MEAF6: variants seen among roughly 807,000 people sequenced by gnomAD.
The protein encoded by MEAF6 is MYST/Esa1 associated factor 6, also known as chromatin modification-related protein MEAF6.
Under a neutral mutation model 28.9 loss-of-function variants are expected in MEAF6, and 15 were observed. The ratio of observed to expected loss-of-function variants is 0.52; its 90% CI spans 0.35 to 0.80. MEAF6 has a LOEUF of 0.80. Among genes scored for constraint, MEAF6 ranks in the 30% least tolerant of loss-of-function variants. MEAF6 has a pLI of 0.01. For missense variants in MEAF6, 178 were observed against 237.5 expected, an observed-to-expected ratio of 0.75 and a Z score of 1.65; for synonymous variants, 97 against 88.7, an observed-to-expected ratio of 1.09 and a Z score of -0.53.
At chr1:37,499,849 T>C (rs1642240983) in intron 5 of MEAF6, among the ~76,000 whole-genome samples, 1 of 152,198 alleles carries the variant, frequency 6.6e-6, no homozygotes, top group Non-Finnish European at 1.5e-5. Flanking sequence ...TAACTCCTTT[T>C]TATCAGTCAC....
intron 4 of MEAF6, 131 bp from the exon 5 acceptor site, chr1:37,502,127 TG>T: frequency 1.7e-6 from 1 of 574,040 alleles, no homozygotes; most frequent in Non-Finnish European, 2.9e-6. Context: ...AGATACATGT[TG>T]ACAGAGAAGA....
chr1:37,491,988 G>A lies in MEAF6; in HGVS notation c.*2111C>T, dbSNP rs933615911. ...TGGAGTGCAGTGGCGCAACAGAGCAGTACTATTCCATCTCTAGCAATCTCA... is the reference window on the plus strand; with the variant it reads ...TGGAGTGCAGTGGCGCAACAGAGCAATACTATTCCATCTCTAGCAATCTCA... On this transcript the variant is annotated 3_prime_UTR_variant, in exon 7 of 7. Coordinates refer to ENST00000296214, the MANE Select transcript of MEAF6 (RefSeq NM_001270875.3). Among the ~76,000 whole-genome samples, 3 of 147,642 alleles carry A rather than the reference G, an allele frequency of 2.0e-5. No homozygotes were observed. Among genetic ancestry groups the A allele is most frequent in the Non-Finnish European group, 4.4e-5 (3 of 67,436 alleles).
chr1:37,505,997 G>A (rs1642468314), intron 4 of MEAF6, among the ~76,000 whole-genome samples: 1 of 152,216 alleles, frequency 6.6e-6, no homozygotes, highest in South Asian at 2.1e-4. Context: ...GCCTGGCCGG[G>A]CGCAGTGGCT....
Position 37,490,127 on chromosome 1 carries a change from T to C in MEAF6, c.*3972A>G, listed in dbSNP as rs1380611733. On this transcript the variant is annotated 3_prime_UTR_variant, in exon 7 of 7. Coordinates refer to ENST00000296214, the MANE Select transcript of MEAF6 (RefSeq NM_001270875.3). ...ATAAGGCTGAGCCTCAAAATGAATATAAATCAAAGGCCTAATCTTTTCTTC... is the reference window on the plus strand; with the variant it reads ...ATAAGGCTGAGCCTCAAAATGAATACAAATCAAAGGCCTAATCTTTTCTTC... Among the ~76,000 whole-genome samples the C allele has an allele frequency of 6.6e-6, 1 of 151,996 alleles. No individual in the cohort carries two copies. The highest frequency in any genetic ancestry group is 1.5e-5 in the Non-Finnish European group (1 of 68,010).
Position 37,514,699 on chromosome 1 carries a change from C to T in MEAF6, c.48G>A (p.Arg16=), listed in dbSNP as rs145579568. 2 of 1,542,354 alleles carry T rather than the reference C, an allele frequency of 1.3e-6. No individual in the cohort carries two copies. The highest frequency in any genetic ancestry group is 8.7e-7 in the Non-Finnish European group (1 of 1,149,150). The change falls in exon 1 of 7, where the codon CGG becomes CGA. Residue 16 remains arginine, a synonymous_variant. Transcript: ENST00000296214. ...KAAPPQIPDT[R]RELAELVKRK... is the part of the protein sequence containing the mutation. ...GCTTCACGAGCTCCGCCAGCTCCCG[C>T]CGGGTGTCCGGGATCTGCGGCGGCG...
chr1:37,504,904 C>G (rs569133955), intron 4 of MEAF6, among the ~76,000 whole-genome samples: 5 of 151,314 alleles, frequency 3.3e-5, no homozygotes, highest in Admixed American at 1.3e-4. Context: ...TTTTTTGAGA[C>G]AGAGTCTTGC....
intron 6 of MEAF6, among the ~76,000 whole-genome samples, chr1:37,494,832 C>T (rs1569949896): frequency 6.7e-6 from 1 of 149,798 alleles, no homozygotes; most frequent in East Asian, 2.0e-4. Context: ...CCCTGTCACA[C>T]ACACAAAAAA....
At chr1:37,495,076 T>C (rs532631023) in intron 6 of MEAF6, among the ~76,000 whole-genome samples, 2 of 152,172 alleles carry the variant, frequency 1.3e-5, no homozygotes, top group East Asian at 1.9e-4. Context: ...GGCTCACGCC[T>C]GTAATCCCAG....
At chr1:37,513,126 G>T (rs755256141) in intron 2 of MEAF6, among the ~76,000 whole-genome samples, 1 of 152,184 alleles carries the variant, frequency 6.6e-6, no homozygotes, top group Non-Finnish European at 1.5e-5. Context: ...TGTGAGGGTA[G>T]AACTCATGAC....
chr1:37,501,159 A>G (rs1048968423), intron 5 of MEAF6, among the ~76,000 whole-genome samples: 1 of 152,188 alleles, frequency 6.6e-6, no homozygotes, highest in Non-Finnish European at 1.5e-5. Flanking sequence ...CTCTCTGTCC[A>G]CTGACGTCAT....
intron 1 of MEAF6, chr1:37,514,040 G>A (rs761951596): frequency 1.1e-5 from 2 of 175,720 alleles, no homozygotes; most frequent in Non-Finnish European, 2.4e-5. Flanking sequence ...GCCGAGACGC[G>A]GGGGCAGGAA....
At chr1:37,514,541 G>C in intron 1 of MEAF6, 116 bp downstream of exon 1, 2 of 702,124 alleles carry the variant, frequency 2.8e-6, no homozygotes, top group Non-Finnish European at 4.0e-6. Flanking sequence ...CCGAGCACCC[G>C]GCCCGCCGCG....
chr1:37,498,363 TAA>T, intron 5 of MEAF6, among the ~76,000 whole-genome samples: 1 of 151,608 alleles, frequency 6.6e-6, no homozygotes, highest in Admixed American at 6.6e-5. Context: ...CTATCTAAAG[TAA>T]TTTTTTATAG....
intron 5 of MEAF6, among the ~76,000 whole-genome samples, chr1:37,498,557 G>A (rs774174847): frequency 7.3e-5 from 11 of 151,662 alleles, no homozygotes; most frequent in Non-Finnish European, 1.3e-4. Flanking sequence ...ATCTTTCCAA[G>A]TAGCTGAGAC....
intron 6 of MEAF6, among the ~76,000 whole-genome samples, chr1:37,495,044 T>C (rs1438296220): frequency 6.6e-6 from 1 of 151,540 alleles, no homozygotes; most frequent in Non-Finnish European, 1.5e-5. Flanking sequence ...ATTAAAAATG[T>C]ATGTGACCGG....
chr1:37,492,994 A>G lies in MEAF6; in HGVS notation c.*1105T>C, dbSNP rs1641989765. On this transcript the variant is annotated 3_prime_UTR_variant, in exon 7 of 7. Coordinates refer to ENST00000296214, the MANE Select transcript of MEAF6 (RefSeq NM_001270875.3). ...CAATGTGCAGCCAGACCCTGTCGCAAGTTCACCACAGCACTAGAGGCAGGT... is the reference window on the plus strand; with the variant it reads ...CAATGTGCAGCCAGACCCTGTCGCAGGTTCACCACAGCACTAGAGGCAGGT... 6.6e-6 allele frequency: 1 copy of G among 152,260 alleles called. No homozygotes were observed. Among genetic ancestry groups the G allele is most frequent in the Non-Finnish European group, 1.5e-5 (1 of 68,064 alleles). 9.4% of individuals were successfully genotyped at this position (152,260 alleles called of 1,614,324 possible).
At chr1:37,495,505 C>A (rs1348139708) in intron 6 of MEAF6, among the ~76,000 whole-genome samples, 1 of 151,186 alleles carries the variant, frequency 6.6e-6, no homozygotes, top group Non-Finnish European at 1.5e-5. Context: ...GAGTTCCAGA[C>A]TGGACATCAT....
chr1:37,494,163 C>A, intron 6 of MEAF6, 56 bp from the exon 7 acceptor site: 1 of 1,491,024 alleles, frequency 6.7e-7, no homozygotes, highest in South Asian at 1.2e-5. Flanking sequence ...GTTGTTTGAC[C>A]CTAAAGGAAA....
Position 37,514,718 on chromosome 1 carries a change from G to T in MEAF6, c.29C>A (p.Pro10Gln). ...CTCCCGCCGGGTGTCCGGGATCTGC[G>T]GCGGCGCCGCCTTGTTGTGCATCGC... is the stretch of plus-strand genomic sequence containing the variant. MAMHNKAAPPQIPDTRRELA... is the reference protein window; with the variant it reads MAMHNKAAPQQIPDTRRELA... The change falls in exon 1 of 7, where the codon CCG (proline) becomes CAG (glutamine). Residue 10 changes from proline to glutamine, a missense_variant. Transcript: ENST00000296214. 6.5e-7 allele frequency: 1 copy of T among 1,536,594 alleles called. No individual in the cohort carries two copies. The highest frequency in any genetic ancestry group is 8.7e-7 in the Non-Finnish European group (1 of 1,146,950).
Sources: allele counts gnomAD v4.1 joint callset (sites outside exome capture counted in the v4.1 genomes callset), GRCh38; gene constraint gnomAD v4.1.1; transcripts MANE v1.5; gene names NCBI Gene and HGNC (gene_info 2026-07-23, HGNC 2026-07-21).